Variants in RELN observed in about 807,000 individuals in gnomAD.
RELN encodes the protein reelin.
Under a neutral mutation model 427.6 loss-of-function variants are expected in RELN, and 108 were observed. That is an observed-to-expected ratio of 0.25 (90% CI 0.22 to 0.30). The LOEUF is 0.30. Ranked by LOEUF, RELN falls within the 10% of genes least tolerant of loss-of-function variation. The pLI is 1.00. For synonymous variants in RELN, 1,524 were observed against 1,513.4 expected (o/e 1.01, Z -0.16); for missense variants, 3,715 against 4,302.8 (o/e 0.86, Z 3.82).
chr7:103,487,115 A>T (rs527708046), intron 60 of RELN, among the ~76,000 whole-genome samples: 1 of 152,316 alleles, frequency 6.6e-6, no homozygotes, highest in South Asian at 2.1e-4. Flanking sequence ...AGGGACATGG[A>T]TGAAGCTGGA....
chr7:103,692,416 C>T (rs1466263055), intron 10 of RELN, among the ~76,000 whole-genome samples: 2 of 152,096 alleles, frequency 1.3e-5, no homozygotes, highest in African/African-American at 4.8e-5. Flanking sequence ...TGCCAGCTCA[C>T]AATAATACCT....
At chr7:103,647,545 A>T (rs1832822403) in intron 16 of RELN, among the ~76,000 whole-genome samples, 1 of 151,656 alleles carries the variant, frequency 6.6e-6, no homozygotes, top group Admixed American at 6.6e-5. Flanking sequence ...TGAAAAAAAA[A>T]AAACTGTAGG....
In RELN at chr7:103,856,661, A is replaced by G. The variant is rs142854544; in HGVS notation, c.338-22989T>C. Among the ~76,000 whole-genome samples, 16 of 152,158 alleles carry G rather than the reference A, an allele frequency of 1.1e-4. 1 individual carries two copies. In the East Asian group the frequency reaches 3.1e-3, roughly 29 times the overall value. ...AAAAATTCTAGCTTTGCAATTGGAA[A>G]TCGTATATAGGAGTAAGCATGGCTT... On this transcript the variant is annotated intron_variant, in intron 2 of 64. Coordinates refer to ENST00000428762, the MANE Select transcript of RELN (RefSeq NM_005045.4).
chr7:103,755,384 C>A lies in RELN; in HGVS notation c.545-2170G>T, dbSNP rs1002275875. 2.0e-5 allele frequency among the ~76,000 whole-genome samples: 3 copies of A among 151,508 alleles called. No homozygotes were observed. The East Asian group carries it at 5.8e-4, about 29-fold the overall frequency. On this transcript the variant is annotated intron_variant, in intron 4 of 64. Coordinates refer to ENST00000428762, the MANE Select transcript of RELN (RefSeq NM_005045.4). The stretch of plus-strand genomic sequence containing the variant: ...AGCACTTTGGGAGGCCGAGACGGGC[C>A]GATCACGAGGTCAGGAGATCGAGAC...
intron 37 of RELN, 60 bp downstream of exon 37, chr7:103,557,905 T>C: frequency 2.4e-6 from 2 of 825,022 alleles, no homozygotes; most frequent in Non-Finnish European, 4.3e-6. Flanking sequence ...GATTTCTTTG[T>C]GGAAAAGGAA....
intron 19 of RELN, among the ~76,000 whole-genome samples, chr7:103,632,274 A>G (rs924421554): frequency 6.6e-6 from 1 of 152,214 alleles, no homozygotes; most frequent in Non-Finnish European, 1.5e-5. Flanking sequence ...AATTAGAATA[A>G]TGCTATTCTT....
intron 2 of RELN, among the ~76,000 whole-genome samples, chr7:103,915,435 C>T (rs915898661): frequency 3.9e-5 from 6 of 152,006 alleles, no homozygotes; most frequent in South Asian, 4.2e-4. Context: ...AGTCCTCACA[C>T]TTTAACATGG....
intron 28 of RELN, among the ~76,000 whole-genome samples, chr7:103,588,548 A>G (rs916179618): frequency 6.6e-6 from 1 of 152,210 alleles, no homozygotes. Flanking sequence ...ATATCCTGAC[A>G]CAATCAGTAT....
At chr7:103,691,171 T>C (rs1833863568) in intron 10 of RELN, among the ~76,000 whole-genome samples, 1 of 152,198 alleles carries the variant, frequency 6.6e-6, no homozygotes, top group Non-Finnish European at 1.5e-5. Context: ...CTTCAACTTG[T>C]GACCTACAAT....
intron 3 of RELN, among the ~76,000 whole-genome samples, chr7:103,801,518 G>C (rs1380104185): frequency 2.8e-5 from 4 of 141,632 alleles, no homozygotes; most frequent in Non-Finnish European, 1.5e-5. Context: ...CTCATAGGTG[G>C]AAACTCAACA....
intron 53 of RELN, among the ~76,000 whole-genome samples, chr7:103,498,683 G>A (rs895884350): frequency 2.0e-5 from 3 of 151,846 alleles, no homozygotes; most frequent in South Asian, 4.2e-4. Context: ...ATAGAGATGG[G>A]GTTTCACCAT....
Position 103,483,949 on chromosome 7 carries a change from G to A in RELN, c.9984-99C>T, listed in dbSNP as rs138922316. ...GGCTGGAGTACAGTGGTGTGATCTC[G>A]GCTCACTACAACGTCTGCCTACTGG... On this transcript the variant is annotated intron_variant, in intron 61 of 64. Coordinates refer to ENST00000428762, the MANE Select transcript of RELN (RefSeq NM_005045.4). 4.2e-4 allele frequency: 502 copies of A among 1,192,760 alleles called. No homozygotes were observed. The African/African-American group carries it at 6.2e-3, about 15-fold the overall frequency. The allele number at this position is 1,192,760 out of a possible 1,614,324, so 73.9% of individuals were successfully genotyped here.
intron 49 of RELN, 67 bp downstream of exon 49, chr7:103,519,256 G>C (rs1356148612): frequency 4.0e-6 from 5 of 1,265,078 alleles, no homozygotes; most frequent in Non-Finnish European, 5.8e-6. Flanking sequence ...TCAGTCTCCC[G>C]TGACTGATTG....
intron 7 of RELN, among the ~76,000 whole-genome samples, chr7:103,724,945 T>C (rs887136672): frequency 6.6e-6 from 1 of 151,944 alleles, no homozygotes; most frequent in Non-Finnish European, 1.5e-5. Flanking sequence ...TAATCTTGAG[T>C]TCAAATATGA....
At chr7:103,958,350 A>C (rs1308045439) in intron 1 of RELN, among the ~76,000 whole-genome samples, 1 of 152,232 alleles carries the variant, frequency 6.6e-6, no homozygotes, top group African/African-American at 2.4e-5. Flanking sequence ...ATGGGCTAAT[A>C]TTCCTGAAAC....
intron 1 of RELN, among the ~76,000 whole-genome samples, chr7:103,976,780 A>G (rs1409411929): frequency 6.6e-6 from 1 of 152,178 alleles, no homozygotes. Flanking sequence ...TCCTGGCCTG[A>G]GCATGGTGGC....
chr7:103,985,993 AGGTTTGGTGCCCGAAACGCACATTGC>A (rs1469185367), intron 1 of RELN, among the ~76,000 whole-genome samples: 1 of 152,132 alleles, frequency 6.6e-6, no homozygotes, highest in Non-Finnish European at 1.5e-5. Flanking sequence ...AAAAAATTCC[AGGTTTGGTGCCCGAAACGCACATTGC>A]GGAAACTGAC....
intron 16 of RELN, among the ~76,000 whole-genome samples, chr7:103,644,639 AT>A (rs1832761326): frequency 6.6e-6 from 1 of 151,722 alleles, no homozygotes; most frequent in Admixed American, 6.6e-5. Flanking sequence ...ATTATGTAAA[AT>A]GTCCAAACCT....
intron 11 of RELN, among the ~76,000 whole-genome samples, chr7:103,664,491 T>C (rs1217841100): frequency 1.3e-5 from 2 of 152,188 alleles, no homozygotes; most frequent in African/African-American, 4.8e-5. Flanking sequence ...CACGAAGGAA[T>C]CTCTGCTGAG....
Sources: gnomAD v4.1 joint callset for allele counts (sites outside exome capture counted in the v4.1 genomes callset) on GRCh38, gnomAD v4.1.1 for gene constraint, MANE v1.5 for transcripts, NCBI Gene and HGNC (gene_info 2026-07-23, HGNC 2026-07-21) for gene names.